The following SDK1 variants were observed in gnomAD, a reference collection of about 807,000 sequenced individuals.
SDK1 encodes the protein protein sidekick-1.
SDK1 carries 157 observed loss-of-function variants against 245.5 expected under a neutral mutation model. The ratio of observed to expected loss-of-function variants is 0.64; its 90% CI spans 0.56 to 0.73. The LOEUF is 0.73. SDK1 is among the 30% of genes least tolerant of loss of function. SDK1 has a pLI of 0.00. For missense variants in SDK1, 3,583 were observed against 3,002.3 expected, an observed-to-expected ratio of 1.19 and a Z score of -4.52; for synonymous variants, 1,647 against 1,278.5, an observed-to-expected ratio of 1.29 and a Z score of -6.15.
chr7:3,672,632 ATATT>A (rs1320793370), intron 4 of SDK1, among the ~76,000 whole-genome samples: 9 of 141,112 alleles, frequency 6.4e-5, no homozygotes, highest in Non-Finnish European at 1.4e-4. Context: ...ATAATAATAT[ATATT>A]AAATATATAT....
intron 40 of SDK1, among the ~76,000 whole-genome samples, chr7:4,232,608 G>A (rs1785867083): frequency 6.6e-6 from 1 of 151,608 alleles, no homozygotes; most frequent in African/African-American, 2.4e-5. Context: ...AGGGACCACA[G>A]GTGCATGCCA....
At chr7:3,904,928 G>C (rs551334935) in intron 5 of SDK1, among the ~76,000 whole-genome samples, 3 of 151,802 alleles carry the variant, frequency 2.0e-5, no homozygotes, top group Admixed American at 1.3e-4. Context: ...GGGAGGTGGA[G>C]CTTTCAGTGA....
chr7:3,945,663 A>G (rs1212991130), intron 5 of SDK1, among the ~76,000 whole-genome samples: 4 of 152,106 alleles, frequency 2.6e-5, no homozygotes, highest in African/African-American at 9.7e-5. Flanking sequence ...CGGGAGGCCA[A>G]GGCAGGCGGA....
chr7:3,479,030 G>A (rs1242976359), intron 1 of SDK1, among the ~76,000 whole-genome samples: 1 of 152,052 alleles, frequency 6.6e-6, no homozygotes, highest in Non-Finnish European at 1.5e-5. Flanking sequence ...GAGGACTTGA[G>A]GTGTATTAAA....
intron 5 of SDK1, among the ~76,000 whole-genome samples, chr7:3,880,402 C>A (rs903956371): frequency 6.6e-6 from 1 of 152,168 alleles, no homozygotes; most frequent in Non-Finnish European, 1.5e-5. Context: ...AGAACCAGCA[C>A]GGGGCGGGGG....
chr7:3,960,526 G>A (rs975707928), intron 8 of SDK1, among the ~76,000 whole-genome samples: 14 of 152,134 alleles, frequency 9.2e-5, no homozygotes, highest in African/African-American at 2.9e-4. Context: ...CCGGTGCAGC[G>A]GCGTGTCACC....
At chr7:4,131,047 T>C (rs1211518160) in intron 27 of SDK1, among the ~76,000 whole-genome samples, 1 of 152,188 alleles carries the variant, frequency 6.6e-6, no homozygotes, top group Non-Finnish European at 1.5e-5. Flanking sequence ...CATCCTTCCC[T>C]GACACAAGGT....
intron 1 of SDK1, among the ~76,000 whole-genome samples, chr7:3,435,587 A>C (rs1056006278): frequency 2.6e-5 from 4 of 151,490 alleles, no homozygotes; most frequent in Admixed American, 6.6e-5. Flanking sequence ...CTGGTTTCGA[A>C]CTCCTGAGCT....
intron 5 of SDK1, among the ~76,000 whole-genome samples, chr7:3,845,063 C>A (rs1290275319): frequency 6.6e-6 from 1 of 152,154 alleles, no homozygotes; most frequent in Non-Finnish European, 1.5e-5. Context: ...GGGTCAGCTG[C>A]CCAAAGGTGC....
At chr7:3,950,170 C>T (rs1042027651) in intron 5 of SDK1, among the ~76,000 whole-genome samples, 7 of 152,326 alleles carry the variant, frequency 4.6e-5, no homozygotes, top group African/African-American at 9.6e-5. Flanking sequence ...TAACCATGCC[C>T]GGTAGGACAG....
chr7:3,377,055 A>G (rs1054552415), intron 1 of SDK1, among the ~76,000 whole-genome samples: 1 of 152,188 alleles, frequency 6.6e-6, no homozygotes, highest in Non-Finnish European at 1.5e-5. Flanking sequence ...CCCTGCTTCG[A>G]AAAGTTTATT....
At chr7:3,430,475 C>A (rs1229688265) in intron 1 of SDK1, among the ~76,000 whole-genome samples, 1 of 152,180 alleles carries the variant, frequency 6.6e-6, no homozygotes, top group Non-Finnish European at 1.5e-5. Flanking sequence ...TCTGTCTCTA[C>A]TTTTACCTCT....
chr7:3,710,995 C>A (rs1045353450), intron 4 of SDK1, among the ~76,000 whole-genome samples: 1 of 152,170 alleles, frequency 6.6e-6, no homozygotes, highest in Non-Finnish European at 1.5e-5. Flanking sequence ...TCAAACTTTA[C>A]AATTAAATTT....
At chr7:3,452,385 C>G (rs1178907244) in intron 1 of SDK1, among the ~76,000 whole-genome samples, 2 of 152,094 alleles carry the variant, frequency 1.3e-5, no homozygotes, top group African/African-American at 2.4e-5. Context: ...AGTGATGTAC[C>G]CTTCCATTAA....
chr7:4,180,578 G>C (rs1235797999), intron 35 of SDK1, among the ~76,000 whole-genome samples: 2 of 152,248 alleles, frequency 1.3e-5, no homozygotes, highest in Non-Finnish European at 2.9e-5. Context: ...GGTCTGCGCT[G>C]TTGGTGTCTT....
intron 9 of SDK1, among the ~76,000 whole-genome samples, chr7:3,964,563 C>A (rs6979226): frequency 6.6e-6 from 1 of 152,142 alleles, no homozygotes; most frequent in African/African-American, 2.4e-5. Context: ...CCTTGGCTCT[C>A]TGTCTTTGAA....
At position 3,951,826 on chromosome 7, in the gene SDK1, G is replaced by A. The variant is rs145487920; in HGVS notation, c.1056G>A (p.Pro352=). The change falls in exon 7 of 45, where the codon CCG becomes CCA. Residue 352 remains proline, a synonymous_variant. Transcript: ENST00000404826. ...SFGRRLTISN[P]TSADTGPYVC... ...GAAGACGCCTCACCATCAGCAACCC[G>A]ACGTCCGCGGACACCGGGCCATACG... 293 of 1,613,802 alleles carry A rather than the reference G, an allele frequency of 1.8e-4. 1 individual carries two copies. In the African/African-American group the frequency reaches 2.9e-3, roughly 16 times the overall value.
In SDK1 at chr7:3,987,301, A is replaced by G. The variant is rs1472300404; in HGVS notation, c.2110A>G (p.Ile704Val). 13 of 1,613,882 alleles carry G rather than the reference A, an allele frequency of 8.1e-6. No homozygotes were observed. Among genetic ancestry groups the G allele is most frequent in the Non-Finnish European group, 1.1e-5 (13 of 1,179,946 alleles). ...FDGNSPILYY[I>V]VELSENNSPW... Reference sequence around the variant, plus strand: ...TGGAAACAGTCCTATTCTTTATTACATCGTGGAGCTCTCTGAAAACAGTAA... The same window carrying G: ...TGGAAACAGTCCTATTCTTTATTACGTCGTGGAGCTCTCTGAAAACAGTAA... The change falls in exon 14 of 45, where the codon ATC (isoleucine) becomes GTC (valine). Residue 704 changes from isoleucine to valine, a missense_variant. Physicochemically the swap from Ile to Val is conservative, Grantham distance 29. Transcript: ENST00000404826.
At chr7:3,355,678 C>G (rs1338796346) in intron 1 of SDK1, among the ~76,000 whole-genome samples, 2 of 152,206 alleles carry the variant, frequency 1.3e-5, no homozygotes, top group African/African-American at 2.4e-5. Context: ...CAAATCTATT[C>G]CTGCAGACAC....
Sources: gnomAD v4.1 joint callset for allele counts (sites outside exome capture counted in the v4.1 genomes callset) on GRCh38, gnomAD v4.1.1 for gene constraint, MANE v1.5 for transcripts, NCBI Gene and HGNC (gene_info 2026-07-23, HGNC 2026-07-21) for gene names.